LPCAT2: variants seen among roughly 807,000 people sequenced by gnomAD.
LPCAT2 encodes lysophosphatidylcholine acyltransferase 2.
Under a neutral mutation model 64.7 loss-of-function variants are expected in LPCAT2, and 58 were observed. That is an observed-to-expected ratio of 0.90 (90% CI 0.73 to 1.12). The LOEUF is 1.12. Ranked by LOEUF, LPCAT2 falls within the 50% of genes most tolerant of loss-of-function variation. LPCAT2 has a pLI of 0.00. For missense variants in LPCAT2, 579 were observed against 669.8 expected, an observed-to-expected ratio of 0.86 and a Z score of 1.50; for synonymous variants, 252 against 245.3, an observed-to-expected ratio of 1.03 and a Z score of -0.26.
intron 12 of LPCAT2, among the ~76,000 whole-genome samples, chr16:55,578,600 C>T (rs987000063): frequency 2.0e-5 from 3 of 152,112 alleles, no homozygotes; most frequent in Non-Finnish European, 4.4e-5. Context: ...CCCAATTCAT[C>T]CTCCATACTC....
At chr16:55,570,470 T>A (rs1567406025) in intron 11 of LPCAT2, among the ~76,000 whole-genome samples, 5 of 152,012 alleles carry the variant, frequency 3.3e-5, no homozygotes, top group Admixed American at 2.6e-4. Flanking sequence ...CAAAAAAATT[T>A]AAAAAATCCC....
intron 11 of LPCAT2, among the ~76,000 whole-genome samples, chr16:55,558,867 A>G (rs374572542): frequency 7.9e-5 from 12 of 152,286 alleles, no homozygotes; most frequent in East Asian, 5.8e-4. Context: ...AAGCATGCTC[A>G]TAGGTTTAAG....
chr16:55,550,404 C>G (rs895223483), intron 10 of LPCAT2, among the ~76,000 whole-genome samples: 1 of 152,156 alleles, frequency 6.6e-6, no homozygotes, highest in East Asian at 1.9e-4. Flanking sequence ...AATTCATTAT[C>G]AGCCTGAAAG....
intron 12 of LPCAT2, 35 bp downstream of exon 12, chr16:55,574,764 C>A: frequency 6.8e-7 from 1 of 1,475,344 alleles, no homozygotes; most frequent in Non-Finnish European, 9.5e-7. Flanking sequence ...TCTTGGTCTG[C>A]CTTGTAAACA....
intron 1 of LPCAT2, among the ~76,000 whole-genome samples, chr16:55,521,654 T>C (rs1239716958): frequency 6.6e-6 from 1 of 151,804 alleles, no homozygotes; most frequent in East Asian, 1.9e-4. Context: ...ATTTATCTTA[T>C]ATCAGGAATA....
intron 11 of LPCAT2, among the ~76,000 whole-genome samples, chr16:55,555,315 A>C (rs1963562249): frequency 6.6e-6 from 1 of 152,210 alleles, no homozygotes; most frequent in Non-Finnish European, 1.5e-5. Context: ...AGTGGCCTCC[A>C]TGGTTTTGCA....
intron 1 of LPCAT2, among the ~76,000 whole-genome samples, chr16:55,519,228 C>T (rs1433398435): frequency 3.3e-5 from 5 of 151,912 alleles, no homozygotes; most frequent in South Asian, 2.1e-4. Context: ...AGGCCGGGCA[C>T]GGTGGCTCAC....
In LPCAT2 at chr16:55,509,203, G is replaced by A; in HGVS notation, c.22G>A (p.Ala8Thr). The A allele has an allele frequency of 3.5e-6, 5 of 1,408,686 alleles. No individual in the cohort carries two copies. The highest frequency in any genetic ancestry group is 4.6e-6 in the Non-Finnish European group (5 of 1,075,786). The allele number at this position is 1,408,686 out of a possible 1,614,324, so 87.3% of individuals were successfully genotyped here. Residue 8 changes from alanine (A) to threonine (T), a missense_variant, in exon 1 of 14, where the codon GCG becomes ACG. Transcript: ENST00000262134. Reference protein sequence around the residue: MSRCAQAAEVAATVPGAG... With the variant: MSRCAQATEVAATVPGAG... ...AACTATGAGCCGGTGCGCCCAGGCG[G>A]CGGAAGTGGCGGCCACAGTGCCAGG...
chr16:55,551,054 G>T lies in LPCAT2; in HGVS notation c.1167G>T (p.Lys389Asn). The change falls in exon 11 of 14, where the codon AAG becomes AAT. Residue 389 changes from lysine (K) to asparagine (N), a missense_variant. Transcript: ENST00000262134. Reference protein sequence around the residue: ...IGIEEFAKYLKLPVSDVLRQL... With the variant: ...IGIEEFAKYLNLPVSDVLRQL... ...TTGAAGAATTCGCCAAGTATTTAAAGTTGCCTGTTTCAGATGTCTTGAGAC... is the reference window on the plus strand; with the variant it reads ...TTGAAGAATTCGCCAAGTATTTAAATTTGCCTGTTTCAGATGTCTTGAGAC... 1 of 1,613,122 alleles carries T rather than the reference G, an allele frequency of 6.2e-7. No homozygotes were observed. Among genetic ancestry groups the T allele is most frequent in the Non-Finnish European group, 8.5e-7 (1 of 1,179,390 alleles).
chr16:55,533,559 T>C (rs1390183538), intron 6 of LPCAT2, among the ~76,000 whole-genome samples: 1 of 152,028 alleles, frequency 6.6e-6, no homozygotes, highest in East Asian at 1.9e-4. Flanking sequence ...ATTACAGGCA[T>C]GTGCCACCAT....
rs1468962611 is a variant in LPCAT2 at position 55,528,410 on chromosome 16, T to C, written c.345T>C (p.Gly115=). Residue 115 remains glycine (G), a synonymous_variant, in exon 3 of 14, where the codon GGT becomes GGC. Coordinates refer to ENST00000262134, the MANE Select transcript of LPCAT2 (RefSeq NM_017839.5). ...KITQTALKFL[G]RAMFFSMGFI... ...CTCAAACAGCTTTGAAATTTCTGGGTCGTGCTATGTTCTTTTCAATGGGAT... is the reference window on the plus strand; with the variant it reads ...CTCAAACAGCTTTGAAATTTCTGGGCCGTGCTATGTTCTTTTCAATGGGAT... 2.5e-6 allele frequency: 4 copies of C among 1,613,848 alleles called. No individual in the cohort carries two copies. In the African/African-American group the frequency reaches 4.0e-5, roughly 16 times the overall value.
rs371444648 is a variant in LPCAT2, at chr16:55,549,276, G to C, written c.936-1G>C. 2 of 1,548,726 alleles carry C rather than the reference G, an allele frequency of 1.3e-6. No individual in the cohort carries two copies. Among genetic ancestry groups the C allele is most frequent in the African/African-American group, 2.9e-5 (2 of 70,148 alleles). ...TTTAGTTTGCTTCTTAATACTTTTA[G>C]AGCTCTGGGAATACCAGTAACAGAT... On this transcript the variant is annotated splice_acceptor_variant, in intron 9 of 13. Coordinates refer to ENST00000262134, the MANE Select transcript of LPCAT2 (RefSeq NM_017839.5). LOFTEE classifies it high-confidence loss of function.
chr16:55,548,816 A>G (rs892902445), intron 9 of LPCAT2, among the ~76,000 whole-genome samples: 4 of 152,078 alleles, frequency 2.6e-5, no homozygotes, highest in Non-Finnish European at 5.9e-5. Flanking sequence ...GTTCGGCTCC[A>G]TTTATCTGTT....
At chr16:55,527,272 T>A (rs1596854939) in intron 2 of LPCAT2, among the ~76,000 whole-genome samples, 1 of 151,900 alleles carries the variant, frequency 6.6e-6, no homozygotes, top group Non-Finnish European at 1.5e-5. Flanking sequence ...TCACTTGAGG[T>A]CAGGAGTTCA....
chr16:55,519,548 A>C (rs35882847), intron 1 of LPCAT2, among the ~76,000 whole-genome samples: 1 of 149,966 alleles, frequency 6.7e-6, no homozygotes, highest in Non-Finnish European at 1.5e-5. Flanking sequence ...GGTAAAGAAC[A>C]TTTTTTGGGT....
rs1287793414 is a variant in LPCAT2 at position 55,586,452 on chromosome 16, CAG to C, written c.*3356_*3357del. The C allele has an allele frequency of 5.9e-5, 8 of 135,844 alleles. No individual in the cohort carries two copies. Among genetic ancestry groups the C allele is most frequent in the African/African-American group, 1.0e-4 (3 of 29,502 alleles). 8.4% of individuals were successfully genotyped at this position (135,844 alleles called of 1,614,324 possible). On this transcript the variant is annotated 3_prime_UTR_variant, in exon 14 of 14. Coordinates refer to ENST00000262134, the MANE Select transcript of LPCAT2 (RefSeq NM_017839.5). ...TTTAAAAGATAGAGAAAAATATAAA[CAG>C]AAAAAATTATGTTTACTTCTACCAC... is the stretch of plus-strand genomic sequence containing the variant.
At position 55,556,380 on chromosome 16, in the gene LPCAT2, A is replaced by G. The variant is rs576849595; in HGVS notation, c.1215+5278A>G. Among the ~76,000 whole-genome samples, 24 of 152,308 alleles carry G rather than the reference A, an allele frequency of 1.6e-4. No individual in the cohort carries two copies. In the East Asian group the frequency reaches 4.4e-3, roughly 28 times the overall value. On this transcript the variant is annotated intron_variant, in intron 11 of 13. Transcript: ENST00000262134. The stretch of plus-strand genomic sequence containing the variant: ...GAACGAAGTTTATAGCATATCTTAG[A>G]CATTGTGCTCATCAGGATTTTTAAT...
chr16:55,532,725 T>A, intron 5 of LPCAT2, 99 bp from the exon 6 acceptor site: 1 of 767,798 alleles, frequency 1.3e-6, no homozygotes. Context: ...CACATACTCT[T>A]AAAATATTCA....
intron 9 of LPCAT2, 61 bp downstream of exon 9, chr16:55,545,878 T>G (rs1219942566): frequency 7.5e-7 from 1 of 1,338,084 alleles, no homozygotes; most frequent in Admixed American, 2.1e-5. Flanking sequence ...TGCATGTCGT[T>G]TAACTCATTT....
Sources: allele counts gnomAD v4.1 joint callset (sites outside exome capture counted in the v4.1 genomes callset), GRCh38; gene constraint gnomAD v4.1.1; transcripts MANE v1.5; gene names NCBI Gene and HGNC (gene_info 2026-07-23, HGNC 2026-07-21).